RBPJ: variants seen among roughly 807,000 people sequenced by gnomAD.
The protein encoded by RBPJ is recombination signal binding protein for immunoglobulin kappa J region.
A neutral mutation model predicts 67.8 loss-of-function variants in RBPJ; 9 were observed. The ratio of observed to expected loss-of-function variants is 0.13; its 90% CI spans 0.08 to 0.23. The LOEUF is 0.23. RBPJ is among the 10% of genes least tolerant of loss of function. The pLI is 1.00. For missense variants in RBPJ, 305 were observed against 595.6 expected, an observed-to-expected ratio of 0.51 and a Z score of 5.08; for synonymous variants, 198 against 203.3, an observed-to-expected ratio of 0.97 and a Z score of 0.22.
intron 7 of RBPJ, among the ~76,000 whole-genome samples, chr4:26,427,972 A>G (rs1735851403): frequency 6.6e-6 from 1 of 152,192 alleles, no homozygotes; most frequent in South Asian, 2.1e-4. Context: ...TCTTTCAGAT[A>G]TTCATGTGTT....
At chr4:26,319,801 T>G, upstream of RBPJ, 10 of 1,376,112 alleles carry the variant, frequency 7.3e-6, no homozygotes, top group Middle Eastern at 1.8e-4. Context: ...GTTCTCCGGG[T>G]TTTGGGGCTC....
intron 1 of RBPJ, among the ~76,000 whole-genome samples, chr4:26,202,970 TAAGGAAGGAAGGAAGGAAGGAAGG>T (rs145254724): frequency 5.8e-5 from 8 of 138,506 alleles, no homozygotes; most frequent in Non-Finnish European, 1.1e-4. Context: ...AGGAAGGAAA[TAAGGAAGGAAGGAAGGAAGGAAGG>T]AAGGAAGGAA....
intron 1 of RBPJ, among the ~76,000 whole-genome samples, chr4:26,372,501 C>T (rs764086264): frequency 1.3e-5 from 2 of 152,180 alleles, no homozygotes; most frequent in African/African-American, 2.4e-5. Context: ...ACCTTTGCAG[C>T]TTGTACAATT....
intron 1 of RBPJ, among the ~76,000 whole-genome samples, chr4:26,197,836 G>A (rs1717829420): frequency 6.6e-6 from 1 of 152,094 alleles, no homozygotes; most frequent in South Asian, 2.1e-4. Context: ...GGAAGGGAGG[G>A]GAGTGAAGGG....
chr4:26,253,413 G>A (rs1307469446), intron 1 of RBPJ, among the ~76,000 whole-genome samples: 1 of 142,930 alleles, frequency 7.0e-6, no homozygotes, highest in East Asian at 2.0e-4. Context: ...CCGGGTTCAC[G>A]CCATTCTCCT....
rs372216048 is a variant in RBPJ, at chr4:26,329,610, G to A, written c.20+8562G>A. Among the ~76,000 whole-genome samples the A allele has an allele frequency of 2.9e-4, 44 of 152,198 alleles. No individual in the cohort carries two copies. The South Asian group carries it at 7.5e-3, about 26-fold the overall frequency. ...ATAAGAGATAGAAAATGCCTACTGG[G>A]CCGGCTGGGCGCGGTGGCTCACGCT... On this transcript the variant is annotated intron_variant, in intron 1 of 10. Transcript: ENST00000355476.
chr4:26,362,521 G>A (rs1728171437), intron 1 of RBPJ: 1 of 1,574,754 alleles, frequency 6.4e-7, no homozygotes, highest in Admixed American at 1.9e-5. Flanking sequence ...CAAAACGAAA[G>A]GAGAATGATA....
Position 26,424,402 on chromosome 4 carries a change from G to C in RBPJ, c.557G>C (p.Ser186Thr). Reference protein sequence around the residue: ...LFNRLRSQTVSTRYLHVEGGN... With the variant: ...LFNRLRSQTVTTRYLHVEGGN... ...AATCGACTACGATCCCAGACAGTTA[G>C]TACCAGATACTTGCATGTAGAAGGA... Residue 186 changes from serine to threonine, a missense_variant, in exon 6 of 11, where the codon AGT becomes ACT. Physicochemically the swap from Ser to Thr is moderately conservative, Grantham distance 58. This residue lies in a region of RBPJ where 66 missense variants were observed against 226.0 expected (regional missense o/e 0.29). Transcript: ENST00000355476. This position sits in a 1 kb window ranked among gnomAD's most constrained non-coding sequence, Gnocchi z 5.3. 6.2e-7 allele frequency: 1 copy of C among 1,614,084 alleles called. No homozygotes were observed. Among genetic ancestry groups the C allele is most frequent in the Non-Finnish European group, 8.5e-7 (1 of 1,179,952 alleles).
chr4:26,180,153 C>G (rs1716930843), intron 1 of RBPJ, among the ~76,000 whole-genome samples: 4 of 151,980 alleles, frequency 2.6e-5, no homozygotes, highest in Admixed American at 2.6e-4. Context: ...AAGGGGACAA[C>G]AGACACTGGG....
At chr4:26,208,515 A>G (rs1305956995) in intron 1 of RBPJ, among the ~76,000 whole-genome samples, 1 of 152,236 alleles carries the variant, frequency 6.6e-6, no homozygotes, top group Non-Finnish European at 1.5e-5. Context: ...TGCTAATAAT[A>G]TATTTCAAGA....
At chr4:26,233,699 G>A (rs535360433) in intron 1 of RBPJ, among the ~76,000 whole-genome samples, 7 of 152,264 alleles carry the variant, frequency 4.6e-5, no homozygotes, top group Admixed American at 6.5e-5. Flanking sequence ...GCTATATGCC[G>A]TTATGCAAAG....
chr4:26,343,670 C>A (rs1168080216), intron 1 of RBPJ, among the ~76,000 whole-genome samples: 1 of 150,278 alleles, frequency 6.7e-6, no homozygotes, highest in East Asian at 1.9e-4. Flanking sequence ...GCCTCAGCCT[C>A]CTGAGTACCT....
At chr4:26,214,050 C>T (rs1178223655) in intron 1 of RBPJ, among the ~76,000 whole-genome samples, 6 of 151,526 alleles carry the variant, frequency 4.0e-5, no homozygotes, top group Admixed American at 1.3e-4. Context: ...TCTGGGAAGC[C>T]GAGGTGGGAG....
chr4:26,141,476 C>G, the RBPJ span, among the ~76,000 whole-genome samples: 2 of 152,220 alleles, frequency 1.3e-5, no homozygotes, highest in East Asian at 3.8e-4. Context: ...GGAACACTTC[C>G]TACCCCCAAG....
chr4:26,409,236 G>A (rs1275746829), intron 3 of RBPJ, among the ~76,000 whole-genome samples: 1 of 152,100 alleles, frequency 6.6e-6, no homozygotes, highest in Non-Finnish European at 1.5e-5. Context: ...AGAAAATTGT[G>A]TTAAAGTCCA....
At chr4:26,389,976 C>G (rs953404721) in intron 2 of RBPJ, among the ~76,000 whole-genome samples, 2 of 152,112 alleles carry the variant, frequency 1.3e-5, no homozygotes, top group Non-Finnish European at 2.9e-5. Flanking sequence ...GAAAAGTAGG[C>G]AAGACATTAC....
chr4:26,140,661 GC>G, the RBPJ span, among the ~76,000 whole-genome samples: 2 of 107,850 alleles, frequency 1.9e-5, no homozygotes, highest in African/African-American at 7.6e-5. Flanking sequence ...CCTCTGATTG[GC>G]CTGACTTCAT....
chr4:26,341,105 C>A (rs1298465275), intron 1 of RBPJ, among the ~76,000 whole-genome samples: 1 of 152,166 alleles, frequency 6.6e-6, no homozygotes, highest in Non-Finnish European at 1.5e-5. Context: ...TCATCAAGAT[C>A]TGTGTTGGTG....
At chr4:26,410,025 AT>A (rs555251380) in intron 3 of RBPJ, 3 of 454,858 alleles carry the variant, frequency 6.6e-6, no homozygotes, top group Non-Finnish European at 8.8e-6. Flanking sequence ...AATTTACTTG[AT>A]TTTTTTAAAA....
Sources: gnomAD v4.1 joint callset for allele counts (sites outside exome capture counted in the v4.1 genomes callset) on GRCh38, gnomAD v4.1.1 for gene constraint, gnomAD v4.1.1 regional missense constraint, Gnocchi (gnomAD v3.1) non-coding constraint, MANE v1.5 for transcripts, NCBI Gene and HGNC (gene_info 2026-07-23, HGNC 2026-07-21) for gene names.